The following CMKLR2 variants were observed in gnomAD, a reference collection of about 807,000 sequenced individuals.
CMKLR2 encodes chemerin-like receptor 2.
In CMKLR2, 18 loss-of-function variants were observed where a neutral mutation model predicts 23.0. That is an observed-to-expected ratio of 0.78 (90% CI 0.54 to 1.16). The LOEUF (loss-of-function observed/expected upper bound fraction) is 1.16, where lower values mean the gene tolerates loss of function less well. Among genes scored for constraint, CMKLR2 ranks in the 50% most tolerant of loss-of-function variants. CMKLR2 has a pLI of 0.00. For missense variants in CMKLR2, 401 were observed against 412.7 expected, an observed-to-expected ratio of 0.97 and a Z score of 0.25; for synonymous variants, 158 against 158.9, an observed-to-expected ratio of 0.99 and a Z score of 0.05.
At chr2:206,214,646 C>T (rs970097616), upstream of CMKLR2, among the ~76,000 whole-genome samples, 2 of 151,408 alleles carry the variant, frequency 1.3e-5, no homozygotes, top group African/African-American at 2.4e-5. Flanking sequence ...TTTTTTGAGA[C>T]GGAGTCTCGC....
intron 1 of CMKLR2, among the ~76,000 whole-genome samples, chr2:206,191,994 C>G (rs1009392313): frequency 2.0e-5 from 3 of 151,862 alleles, no homozygotes; most frequent in Non-Finnish European, 4.4e-5. Context: ...GCGCACACCA[C>G]CACACCTGGC....
intron 1 of CMKLR2, among the ~76,000 whole-genome samples, chr2:206,182,728 C>G (rs576990881): frequency 6.6e-6 from 1 of 152,116 alleles, no homozygotes; most frequent in African/African-American, 2.4e-5. Flanking sequence ...TCAAGTGATT[C>G]TCCTGCCTCA....
chr2:206,210,458 ACT>A (rs1322839304), intron 1 of CMKLR2, among the ~76,000 whole-genome samples: 1 of 124,458 alleles, frequency 8.0e-6, no homozygotes, highest in Non-Finnish European at 1.8e-5. Flanking sequence ...TAGCATTTTT[ACT>A]CTTTTTTTTT....
At chr2:206,193,733 A>C (rs1402803855) in intron 1 of CMKLR2, among the ~76,000 whole-genome samples, 2 of 152,196 alleles carry the variant, frequency 1.3e-5, no homozygotes, top group Admixed American at 1.3e-4. Context: ...CCATGGTTTA[A>C]ATATTTTTTA....
chr2:206,212,531 A>G (rs1413366181), intron 1 of CMKLR2, among the ~76,000 whole-genome samples: 1 of 152,074 alleles, frequency 6.6e-6, no homozygotes, highest in African/African-American at 2.4e-5. Context: ...ATCAAACTTG[A>G]TTTGGTTTTC....
chr2:206,209,292 C>T (rs892386374), intron 1 of CMKLR2, among the ~76,000 whole-genome samples: 3 of 151,382 alleles, frequency 2.0e-5, no homozygotes, highest in Admixed American at 6.6e-5. Context: ...GAGCTGAGAT[C>T]GCAGCCACTG....
intron 1 of CMKLR2, among the ~76,000 whole-genome samples, chr2:206,199,956 CT>C (rs1689041066): frequency 6.6e-6 from 1 of 152,160 alleles, no homozygotes; most frequent in African/African-American, 2.4e-5. Context: ...TGTAGAGACA[CT>C]TCTTGACATA....
chr2:206,189,658 A>G (rs577149602), intron 1 of CMKLR2, among the ~76,000 whole-genome samples: 11 of 152,024 alleles, frequency 7.2e-5, no homozygotes, highest in Admixed American at 3.3e-4. Context: ...AAAAGAAAAG[A>G]AAAGAATGAA....
Position 206,204,776 on chromosome 2 carries a change from C to T in CMKLR2, c.-29+8531G>A, listed in dbSNP as rs145046249. 3.4e-4 allele frequency among the ~76,000 whole-genome samples: 52 copies of T among 152,236 alleles called. 3 individuals carry two copies. The East Asian group carries it at 0.01, about 30-fold the overall frequency. On this transcript the variant is annotated intron_variant, in intron 1 of 1. Transcript: ENST00000621141. The stretch of plus-strand genomic sequence containing the variant: ...ATCTGGGTTTCATCCTGAGAGAAAA[C>T]ATCAACTGAAAGACTGCTGTGAGCC...
intron 1 of CMKLR2, among the ~76,000 whole-genome samples, chr2:206,189,977 C>T (rs1485196573): frequency 3.3e-5 from 5 of 151,882 alleles, no homozygotes; most frequent in African/African-American, 1.2e-4. Context: ...CACAGCAACA[C>T]GTTAAAAAGA....
chr2:206,183,516 A>G (rs1688480761), intron 1 of CMKLR2, among the ~76,000 whole-genome samples: 1 of 152,184 alleles, frequency 6.6e-6, no homozygotes, highest in Non-Finnish European at 1.5e-5. Context: ...AACACCTTCA[A>G]ACAGAAAGCC....
At chr2:206,207,273 TG>T in intron 1 of CMKLR2, among the ~76,000 whole-genome samples, 1 of 151,966 alleles carries the variant, frequency 6.6e-6, no homozygotes, top group Admixed American at 6.6e-5. Flanking sequence ...CTGGAGTAGC[TG>T]GGACAACAAG....
intron 1 of CMKLR2, among the ~76,000 whole-genome samples, chr2:206,180,911 C>T (rs538350790): frequency 2.0e-5 from 3 of 150,798 alleles, no homozygotes; most frequent in South Asian, 2.1e-4. Context: ...TCTGTCACCA[C>T]GCCTTGCTAA....
At chr2:206,199,145 C>T (rs1689010702) in intron 1 of CMKLR2, among the ~76,000 whole-genome samples, 1 of 152,124 alleles carries the variant, frequency 6.6e-6, no homozygotes, top group Non-Finnish European at 1.5e-5. Flanking sequence ...ACCTGTAATC[C>T]CAGCACTTTG....
Position 206,177,289 on chromosome 2 carries a change from T to A in CMKLR2, c.-28-14A>T. The A allele has an allele frequency of 7.9e-7, 1 of 1,267,214 alleles. No individual in the cohort carries two copies. Among genetic ancestry groups the A allele is most frequent in the Non-Finnish European group, 1.1e-6 (1 of 913,092 alleles). The allele number at this position is 1,267,214 out of a possible 1,614,324, so 78.5% of individuals were successfully genotyped here. On this transcript the variant is annotated splice_polypyrimidine_tract_variant and intron_variant, in intron 1 of 1. Transcript: ENST00000621141. ...GAATGAAGAAATCTGTAGAAGCAAA[T>A]TTAAAAAGAAAGAAAAAATTTTAAA...
At chr2:206,189,171 A>T (rs7608511) in intron 1 of CMKLR2, among the ~76,000 whole-genome samples, 1 of 152,028 alleles carries the variant, frequency 6.6e-6, no homozygotes, top group South Asian at 2.1e-4. Context: ...CTCTAAGCTG[A>T]TTTGAACAGA....
chr2:206,178,685 C>T (rs557954480), intron 1 of CMKLR2, among the ~76,000 whole-genome samples: 11 of 151,980 alleles, frequency 7.2e-5, no homozygotes, highest in Admixed American at 2.6e-4. Context: ...GACAACCTCC[C>T]GTTACAGAGG....
At chr2:206,213,220 GT>G (rs2105847500) in intron 1 of CMKLR2, 86 bp downstream of exon 1, 1 of 152,302 alleles carries the variant, frequency 6.6e-6, no homozygotes, top group South Asian at 2.1e-4. Flanking sequence ...GTCAAATGCT[GT>G]TTTGTAAATA....
At chr2:206,186,165 G>A (rs1010510804) in intron 1 of CMKLR2, among the ~76,000 whole-genome samples, 5 of 149,254 alleles carry the variant, frequency 3.3e-5, no homozygotes, top group East Asian at 2.0e-4. Context: ...AGGCTGGAGT[G>A]CAGTGGCGCA....
Sources: gnomAD v4.1 joint callset for allele counts (sites outside exome capture counted in the v4.1 genomes callset) on GRCh38, gnomAD v4.1.1 for gene constraint, MANE v1.5 for transcripts, NCBI Gene and HGNC (gene_info 2026-07-23, HGNC 2026-07-21) for gene names.